Variants in SAMMSON observed in about 807,000 individuals in gnomAD.
The protein encoded by SAMMSON is long intergenic non-protein coding RNA 1212.
At chr3:70,063,275 C>A (rs2067197122) in intron 3 of SAMMSON, among the ~76,000 whole-genome samples, 1 of 152,096 alleles carries the variant, frequency 6.6e-6, no homozygotes, top group Non-Finnish European at 1.5e-5. Flanking sequence ...GTTCATTATT[C>A]TACACCAAAT....
At chr3:70,078,339 A>T (rs2106639783) in intron 4 of SAMMSON, among the ~76,000 whole-genome samples, 1 of 152,168 alleles carries the variant, frequency 6.6e-6, no homozygotes, top group East Asian at 1.9e-4. Context: ...TTCTGCAAAA[A>T]AATTAGGTTC....
chr3:70,267,150 A>G (rs577071680), intron 6 of SAMMSON, among the ~76,000 whole-genome samples: 1 of 152,248 alleles, frequency 6.6e-6, no homozygotes, highest in South Asian at 2.1e-4. Flanking sequence ...CTATTTTTAT[A>G]AATTTTCTCT....
At chr3:70,146,091 C>T (rs2067547698) in intron 4 of SAMMSON, among the ~76,000 whole-genome samples, 1 of 151,932 alleles carries the variant, frequency 6.6e-6, no homozygotes, top group Non-Finnish European at 1.5e-5. Context: ...AAATAATTTA[C>T]CTTTTCCCCA....
chr3:70,110,657 A>G (rs918340029), intron 4 of SAMMSON, among the ~76,000 whole-genome samples: 1 of 152,134 alleles, frequency 6.6e-6, no homozygotes, highest in South Asian at 2.1e-4. Context: ...CTCGAATTCT[A>G]TCTGTCTCAA....
chr3:70,073,506 G>A (rs772899849), intron 4 of SAMMSON, among the ~76,000 whole-genome samples: 1 of 152,002 alleles, frequency 6.6e-6, no homozygotes, highest in South Asian at 2.1e-4. Context: ...AGAGTATGAA[G>A]TGTGTAGAAT....
At chr3:70,054,674 T>C (rs1351355181) in intron 3 of SAMMSON, among the ~76,000 whole-genome samples, 1 of 152,084 alleles carries the variant, frequency 6.6e-6, no homozygotes, top group East Asian at 1.9e-4. Flanking sequence ...AGATTCAGCA[T>C]TGCAAACTCT....
At chr3:70,290,577 G>T (rs1329966756) in intron 6 of SAMMSON, among the ~76,000 whole-genome samples, 2 of 152,252 alleles carry the variant, frequency 1.3e-5, no homozygotes, top group African/African-American at 2.4e-5. Flanking sequence ...TTGAGCTGTG[G>T]TGGGCTCCAC....
At chr3:70,399,700 T>C (rs1016929237) in intron 2 of SAMMSON, among the ~76,000 whole-genome samples, 3 of 151,938 alleles carry the variant, frequency 2.0e-5, no homozygotes, top group South Asian at 2.1e-4. Flanking sequence ...ACCCCATCTC[T>C]ACTGAAAATA....
chr3:70,174,554 C>T, intron 4 of SAMMSON, among the ~76,000 whole-genome samples: 1 of 151,998 alleles, frequency 6.6e-6, no homozygotes, highest in Middle Eastern at 3.4e-3. Flanking sequence ...AGGTAAATTA[C>T]CATTAATTAT....
chr3:70,108,423 C>CT (rs61561713), intron 4 of SAMMSON, among the ~76,000 whole-genome samples: 2,942 of 89,348 alleles, frequency 0.033, 225 homozygotes, highest in Middle Eastern at 0.048. Flanking sequence ...CTTGCGGTTC[C>CT]TTTTTTTTTT....
intron 3 of SAMMSON, among the ~76,000 whole-genome samples, chr3:70,058,661 C>G (rs901261433): frequency 1.1e-4 from 17 of 152,040 alleles, no homozygotes; most frequent in Non-Finnish European, 2.4e-4. Context: ...TAAAATGGGT[C>G]AGCCCCAGCA....
intron 6 of SAMMSON, among the ~76,000 whole-genome samples, chr3:70,254,524 TAGAG>T (rs1559545949): frequency 6.6e-6 from 1 of 152,124 alleles, no homozygotes; most frequent in Admixed American, 6.5e-5. Flanking sequence ...AGTTTTCACT[TAGAG>T]AGCTTTTGGA....
chr3:70,050,163 GATCT>G (rs2067141066), intron 3 of SAMMSON, among the ~76,000 whole-genome samples: 1 of 152,112 alleles, frequency 6.6e-6, no homozygotes, highest in Non-Finnish European at 1.5e-5. Context: ...GTGGCATTGT[GATCT>G]ATATTACTGA....
At chr3:70,239,804 C>A (rs540317641) in intron 4 of SAMMSON, among the ~76,000 whole-genome samples, 1 of 152,206 alleles carries the variant, frequency 6.6e-6, no homozygotes, top group African/African-American at 2.4e-5. Context: ...ACGTCTCGTT[C>A]AACTCAGTGT....
chr3:70,365,772 T>C (rs964077593), intron 9 of SAMMSON, among the ~76,000 whole-genome samples: 3 of 151,828 alleles, frequency 2.0e-5, no homozygotes, highest in Non-Finnish European at 3.0e-5. Context: ...GGTAGTTTTA[T>C]ACATTTGTAA....
chr3:70,387,723 A>C (rs1230752349), intron 9 of SAMMSON, among the ~76,000 whole-genome samples: 2 of 152,134 alleles, frequency 1.3e-5, no homozygotes, highest in Non-Finnish European at 2.9e-5. Flanking sequence ...TGTTTTATCA[A>C]GGATTAAGTT....
chr3:70,013,259 T>C (rs1490194808), intron 2 of SAMMSON, among the ~76,000 whole-genome samples: 1 of 152,148 alleles, frequency 6.6e-6, no homozygotes, highest in Non-Finnish European at 1.5e-5. Flanking sequence ...GCCTAGTTTT[T>C]TAAAGCCTGA....
At chr3:70,309,862 A>C (rs1191007651) in intron 7 of SAMMSON, among the ~76,000 whole-genome samples, 16 of 152,212 alleles carry the variant, frequency 1.1e-4, no homozygotes, top group African/African-American at 3.9e-4. Flanking sequence ...GATTTTATAG[A>C]TTACAAGAAT....
At chr3:70,383,874 G>C (rs1307789007) in intron 9 of SAMMSON, among the ~76,000 whole-genome samples, 1 of 151,890 alleles carries the variant, frequency 6.6e-6, no homozygotes, top group Non-Finnish European at 1.5e-5. Context: ...ATTGCAGTGA[G>C]GCATGCTTTC....
Sources: gnomAD v4.1 joint callset for allele counts (sites outside exome capture counted in the v4.1 genomes callset) on GRCh38, gnomAD v4.1.1 for gene constraint, MANE v1.5 for transcripts, NCBI Gene and HGNC (gene_info 2026-07-23, HGNC 2026-07-21) for gene names.